Variants in HTRA2 observed in about 807,000 individuals in gnomAD.
HTRA2 encodes the protein HtrA serine peptidase 2.
In HTRA2, 24 loss-of-function variants were observed where a neutral mutation model predicts 42.2. The ratio of observed to expected loss-of-function variants is 0.57; its 90% confidence interval spans 0.41 to 0.80. HTRA2 has a LOEUF of 0.80. Ranked by LOEUF, HTRA2 falls within the 30% of genes least tolerant of loss-of-function variation. HTRA2 has a pLI of 0.00. For synonymous variants in HTRA2, 245 were observed against 255.8 expected, an observed-to-expected ratio of 0.96 and a Z score of 0.40; for missense variants, 466 against 613.5, an observed-to-expected ratio of 0.76 and a Z score of 2.54.
rs759074699 is a variant in HTRA2 at position 74,530,236 on chromosome 2, C to T, written c.230C>T (p.Pro77Leu). The T allele has an allele frequency of 1.2e-6, 2 of 1,609,182 alleles. No homozygotes were observed. The highest frequency in any genetic ancestry group is 8.5e-7 in the Non-Finnish European group (1 of 1,178,050). ...EPRACLTSGT[P>L]GPRAQLTAVT... ...CGAGCATGCCTGACGTCTGGGACCC[C>T]GGGTCCCCGGGCACAACTGACTGCG... The change falls in exon 1 of 8, where the codon CCG becomes CTG. Residue 77 changes from proline to leucine, a missense_variant. This residue lies in a region of HTRA2 where 222 missense variants were observed against 205.1 expected (regional missense o/e 1.08). Coordinates refer to ENST00000258080, the MANE Select transcript of HTRA2 (RefSeq NM_013247.5). This position sits in a 1 kb window ranked among gnomAD's most constrained non-coding sequence, Gnocchi z 7.4.
intron 6 of HTRA2, chr2:74,532,366 G>T: frequency 1.9e-6 from 1 of 520,144 alleles, no homozygotes; most frequent in African/African-American, 1.9e-5. Flanking sequence ...GCTTCTCTTA[G>T]TATTCTAGAA....
Position 74,530,506 on chromosome 2 carries a change from T to G in HTRA2, c.500T>G (p.Leu167Arg), listed in dbSNP as rs1675510393. ...TAPAVVYIEILDRHPFLGREV... is the reference protein window; with the variant it reads ...TAPAVVYIEIRDRHPFLGREV... ...CCTGCCGTGGTCTATATCGAGATCC[T>G]GGACCGGTAATGGTGGGGGTAGACC... is the stretch of plus-strand genomic sequence containing the variant. Residue 167 changes from leucine (L) to arginine (R), a missense_variant, in exon 1 of 8, where the codon CTG (leucine) becomes CGG (arginine). Leu to Arg is a moderately radical substitution (Grantham distance 102). Around this residue, in one of 3 missense-constraint regions of HTRA2, gnomAD observed 115 missense variants for 245.4 expected, o/e 0.47. Transcript: ENST00000258080. The surrounding 1 kb of genome is among the most constrained non-coding windows in gnomAD (Gnocchi z 7.4). The G allele has an allele frequency of 2.5e-6, 4 of 1,611,968 alleles. No homozygotes were observed. Among genetic ancestry groups the G allele is most frequent in the Admixed American group, 1.7e-5 (1 of 60,002 alleles).
At chr2:74,533,335 T>C (rs1478572133), downstream of HTRA2, 2 of 532,282 alleles carry the variant, frequency 3.8e-6, no homozygotes, top group East Asian at 6.6e-5. Context: ...TGTGGGCAGT[T>C]AGTCAGGTGC....
In HTRA2 at chr2:74,531,070, A is replaced by G. The variant is rs770265005; in HGVS notation, c.871A>G (p.Asn291Asp). ...PARDLGLPQTNVEYIQTDAAI... is the reference protein window; with the variant it reads ...PARDLGLPQTDVEYIQTDAAI... ...CAGAGACCTGGGACTCCCCCAAACC[A>G]ATGTGGAATACATTCAAACTGATGC... is the stretch of plus-strand genomic sequence containing the variant. The change falls in exon 3 of 8, where the codon AAT (asparagine) becomes GAT (aspartate). Residue 291 changes from asparagine (N) to aspartate (D), a missense_variant. Transcript: ENST00000258080. 1.2e-6 allele frequency: 2 copies of G among 1,614,206 alleles called. No individual in the cohort carries two copies. Among genetic ancestry groups the G allele is most frequent in the Admixed American group, 3.3e-5 (2 of 60,038 alleles).
upstream of HTRA2, chr2:74,529,580 C>G (rs1318310853): frequency 4.5e-6 from 7 of 1,564,168 alleles, no homozygotes; most frequent in African/African-American, 1.4e-5. Context: ...GGTCTCTTAC[C>G]GGTGCGAGTC....
chr2:74,530,072 C>A lies in HTRA2; in HGVS notation c.66C>A (p.Gly22=). 6.3e-7 allele frequency: 1 copy of A among 1,590,238 alleles called. No homozygotes were observed. The highest frequency in any genetic ancestry group is 8.6e-7 in the Non-Finnish European group (1 of 1,162,664). The change falls in exon 1 of 8, where the codon GGC becomes GGA. Residue 22 remains glycine (G), a synonymous_variant. Transcript: ENST00000258080. This position sits in a 1 kb window ranked among gnomAD's most constrained non-coding sequence, Gnocchi z 7.4. ...TTCGGGCATGGCGGGCTTTGGGGGG[C>A]ATTCGCTGGGGGAGGAGACCCCGTT... ...WSLRAWRALG[G]IRWGRRPRLT... is the part of the protein sequence containing the mutation.
chr2:74,531,312 CTT>C (rs1239291456), intron 3 of HTRA2, 25 bp from the exon 4 acceptor site: 1 of 1,613,226 alleles, frequency 6.2e-7, no homozygotes. Flanking sequence ...CCCCAGATCT[CTT>C]TCATGTTTTC....
At chr2:74,529,654 C>G, upstream of HTRA2, 8 of 1,546,606 alleles carry the variant, frequency 5.2e-6, no homozygotes, top group Non-Finnish European at 7.0e-6. Context: ...GAGCGCCCGG[C>G]CGTCGCCGCC....
At chr2:74,531,792 T>C (rs1675628958) in intron 5 of HTRA2, 64 bp from the exon 6 acceptor site, 6 of 1,612,086 alleles carry the variant, frequency 3.7e-6, no homozygotes, top group South Asian at 3.3e-5. Context: ...GGTGGTCTAC[T>C]GGGAGAAGAG....
chr2:74,530,310 C>G lies in HTRA2; in HGVS notation c.304C>G (p.Arg102Gly). The G allele has an allele frequency of 6.3e-7, 1 of 1,598,332 alleles. No homozygotes were observed. The change falls in exon 1 of 8, where the codon CGT (arginine) becomes GGT (glycine). Residue 102 changes from arginine (R) to glycine (G), a missense_variant. Transcript: ENST00000258080. This position sits in a 1 kb window ranked among gnomAD's most constrained non-coding sequence, Gnocchi z 7.4. ...GGAGGCCTCAGAGAACTCTGGAACC[C>G]GTTCGCGCGCGTGGCTGGCGGTGGC... ...TREASENSGT[R>G]SRAWLAVALG...
In HTRA2 at chr2:74,533,216, TC is replaced by T. The variant is rs905394407; in HGVS notation, c.*236del. On this transcript the variant is annotated 3_prime_UTR_variant, in exon 8 of 8. Transcript: ENST00000258080. ...AATGAGGTGGGAGGGCTGGATCTTT[TC>T]CCCCACCAAAAGGCTAGAGGTAAAG... 19 of 573,766 alleles carry T rather than the reference TC, an allele frequency of 3.3e-5. No homozygotes were observed. The highest frequency in any genetic ancestry group is 9.1e-4 in the Middle Eastern group (2 of 2,198). 35.5% of individuals were successfully genotyped at this position (573,766 alleles called of 1,614,324 possible). A position where few individuals can be genotyped will look rare whatever the true frequency, so the allele number is the denominator to read the frequency against.
chr2:74,529,676 C>T, upstream of HTRA2: 3 of 1,542,170 alleles, frequency 1.9e-6, no homozygotes, highest in South Asian at 1.2e-5. Context: ...CCGCCATTTT[C>T]GCGCCCGGCC....
chr2:74,531,423 A>T, intron 4 of HTRA2, 52 bp downstream of exon 4: 1 of 1,608,830 alleles, frequency 6.2e-7, no homozygotes, highest in African/African-American at 1.3e-5. Flanking sequence ...TCAGTGTGGG[A>T]AGGGTAGGTT....
Position 74,531,652 on chromosome 2 carries a change from C to T in HTRA2, c.995C>T (p.Ala332Val), listed in dbSNP as rs1485684504. 1 of 1,614,154 alleles carries T rather than the reference C, an allele frequency of 6.2e-7. No homozygotes were observed. Among genetic ancestry groups the T allele is most frequent in the South Asian group, 1.1e-5 (1 of 91,088 alleles). ...AAGGTCACAGCTGGAATCTCCTTTG[C>T]CATCCCTTCTGATCGTCTTCGAGAG... ...TMKVTAGISF[A>V]IPSDRLREFL... Residue 332 changes from alanine (A) to valine (V), a missense_variant, in exon 5 of 8, where the codon GCC becomes GTC. Physicochemically the swap from Ala to Val is moderately conservative, Grantham distance 64. Around this residue, in one of 3 missense-constraint regions of HTRA2, gnomAD observed 115 missense variants for 245.4 expected, o/e 0.47. Transcript: ENST00000258080.
Position 74,530,589 on chromosome 2 carries a change from T to A in HTRA2, c.507-28T>A. ...GCGGGTAGGAGGGGTCAGAGCCTCC[T>A]CTTATCTGTGCTTTCCCTCCATTTC... On this transcript the variant is annotated intron_variant, in intron 1 of 7. Transcript: ENST00000258080. This position sits in a 1 kb window ranked among gnomAD's most constrained non-coding sequence, Gnocchi z 7.4. The A allele has an allele frequency of 6.2e-7, 1 of 1,613,852 alleles. No individual in the cohort carries two copies. The highest frequency in any genetic ancestry group is 8.5e-7 in the Non-Finnish European group (1 of 1,180,028).
intron 6 of HTRA2, 68 bp downstream of exon 6, chr2:74,531,993 C>CTTTGT: frequency 7.1e-7 from 1 of 1,405,424 alleles, no homozygotes; most frequent in Non-Finnish European, 1.0e-6. Flanking sequence ...CTCTATTGAG[C>CTTTGT]TTTGTTCTCA....
At chr2:74,529,909 T>C, upstream of HTRA2, 1 of 1,467,406 alleles carries the variant, frequency 6.8e-7, no homozygotes, top group East Asian at 2.3e-5. Flanking sequence ...CTGAAGGACT[T>C]CAGGTACCGG....
chr2:74,533,520 G>A, downstream of HTRA2: 2 of 1,232,084 alleles, frequency 1.6e-6, no homozygotes, highest in Non-Finnish European at 2.4e-6. Context: ...TTGCTGACAT[G>A]GGTTTCTTGG....
intron 4 of HTRA2, 43 bp downstream of exon 4, chr2:74,531,414 C>A: frequency 6.2e-7 from 1 of 1,610,576 alleles, no homozygotes; most frequent in Middle Eastern, 1.7e-4. Context: ...TGCCCCAGGT[C>A]AGTGTGGGAA....
Sources: allele counts gnomAD v4.1 joint callset, GRCh38; gene constraint gnomAD v4.1.1; regional missense constraint gnomAD v4.1.1; non-coding constraint Gnocchi (gnomAD v3.1); transcripts MANE v1.5; gene names NCBI Gene and HGNC (gene_info 2026-07-23, HGNC 2026-07-21).